The following BNC2 variants were observed in gnomAD, a reference collection of about 807,000 sequenced individuals.
BNC2 encodes the protein basonuclin zinc finger protein 2.
A neutral mutation model predicts 76.3 loss-of-function variants in BNC2; 20 were observed. The ratio of observed to expected loss-of-function variants is 0.26; its 90% CI spans 0.18 to 0.38. BNC2 has a LOEUF of 0.38. Ranked by LOEUF, BNC2 falls within the 10% of genes least tolerant of loss-of-function variation. BNC2 has a pLI of 1.00. For missense variants in BNC2, 1,382 were observed against 1,399.8 expected (o/e 0.99, Z 0.20); for synonymous variants, 582 against 514.8 (o/e 1.13, Z -1.77).
chr9:16,831,227 G>A (rs1045250863), intron 1 of BNC2, among the ~76,000 whole-genome samples: 1 of 152,160 alleles, frequency 6.6e-6, no homozygotes, highest in Non-Finnish European at 1.5e-5. Flanking sequence ...AGACTTCAAA[G>A]GGGCTAACAG....
chr9:16,596,452 C>T (rs1820081276), intron 3 of BNC2, among the ~76,000 whole-genome samples: 1 of 152,014 alleles, frequency 6.6e-6, no homozygotes, highest in Non-Finnish European at 1.5e-5. Context: ...ATTGCAAAAC[C>T]CGATTTCTAA....
intron 1 of BNC2, among the ~76,000 whole-genome samples, chr9:16,744,515 A>G (rs372301074): frequency 8.5e-5 from 13 of 152,188 alleles, no homozygotes; most frequent in African/African-American, 3.1e-4. Flanking sequence ...ACAAACTATA[A>G]AAGACGCAGT....
At chr9:16,750,619 T>C (rs1427100429) in intron 1 of BNC2, among the ~76,000 whole-genome samples, 2 of 152,222 alleles carry the variant, frequency 1.3e-5, no homozygotes, top group Admixed American at 6.5e-5. Flanking sequence ...GCCAGATTTC[T>C]ACAACAGAAT....
intron 1 of BNC2, among the ~76,000 whole-genome samples, chr9:16,746,645 G>A (rs62541546): frequency 0.86 from 129,330 of 150,426 alleles, 55,990 homozygotes; most frequent in Non-Finnish European, 0.91. Flanking sequence ...GATTGCAGGC[G>A]TGAACAACCG....
intron 3 of BNC2, among the ~76,000 whole-genome samples, chr9:16,707,853 G>C (rs947673005): frequency 6.6e-6 from 1 of 152,080 alleles, no homozygotes; most frequent in Non-Finnish European, 1.5e-5. Flanking sequence ...TGTTGGCCAG[G>C]CTAGTCTGGA....
chr9:16,823,574 G>C (rs1193804083), intron 1 of BNC2, among the ~76,000 whole-genome samples: 2 of 151,410 alleles, frequency 1.3e-5, no homozygotes, highest in Admixed American at 6.6e-5. Context: ...CTGCACTCTA[G>C]CCTGGGCAAC....
At chr9:16,814,456 G>T (rs548054047) in intron 1 of BNC2, among the ~76,000 whole-genome samples, 1 of 152,250 alleles carries the variant, frequency 6.6e-6, no homozygotes, top group Admixed American at 6.5e-5. Flanking sequence ...CTATTTAAAA[G>T]AAATTTTACT....
In BNC2 at chr9:16,752,401, AAAC is replaced by A. The variant is rs377513961; in HGVS notation, c.4-13919_4-13917del. Among the ~76,000 whole-genome samples the A allele has an allele frequency of 3.5e-3, 478 of 136,890 alleles. 3 individuals carry two copies. The highest frequency in any genetic ancestry group is 0.012 in the African/African-American group (463 of 37,592). 89.8% of individuals were successfully genotyped at this position (136,890 alleles called of 152,430 possible). A position where few individuals can be genotyped will look rare whatever the true frequency, so the allele number is the denominator to read the frequency against. ...TTCAGACTGTATCTTCACAATATTA[AAAC>A]AACTGATCAATGAAGTCAATGTGTT... is the stretch of plus-strand genomic sequence containing the variant. On this transcript the variant is annotated intron_variant, in intron 1 of 6. Coordinates refer to ENST00000380672, the MANE Select transcript of BNC2 (RefSeq NM_017637.6).
chr9:16,732,157 C>CAAAAAAAAAAAAAAAAAAAAAAAAAAA (rs143619331), intron 2 of BNC2, among the ~76,000 whole-genome samples: 2 of 43,912 alleles, frequency 4.6e-5, no homozygotes, highest in Non-Finnish European at 8.7e-5. Context: ...CCATTTCCTG[C>CAAAAAAAAAAAAAAAAAAAAAAAAAAA]AAAAAAAAAA....
intron 4 of BNC2, among the ~76,000 whole-genome samples, chr9:16,578,228 T>C (rs1438434933): frequency 6.6e-6 from 1 of 152,220 alleles, no homozygotes; most frequent in Non-Finnish European, 1.5e-5. Flanking sequence ...TGTACTGGAT[T>C]ATCATTAAAT....
rs1418290353 is a variant in BNC2 at position 16,418,870 on chromosome 9, AAT to A, written c.*117_*118del. 8 of 601,798 alleles carry A rather than the reference AAT, an allele frequency of 1.3e-5. No individual in the cohort carries two copies. The African/African-American group carries it at 1.8e-4, about 13-fold the overall frequency. 37.3% of individuals were successfully genotyped at this position (601,798 alleles called of 1,614,324 possible). ...TATATGTAGCCACAGAGCATACATA[AAT>A]GCACACACACACACACACACACACA... On this transcript the variant is annotated 3_prime_UTR_variant, in exon 7 of 7. Coordinates refer to ENST00000380672, the MANE Select transcript of BNC2 (RefSeq NM_017637.6).
At chr9:16,789,563 T>G (rs1817443064) in intron 1 of BNC2, among the ~76,000 whole-genome samples, 1 of 152,148 alleles carries the variant, frequency 6.6e-6, no homozygotes, top group African/African-American at 2.4e-5. Context: ...TTTTCCAGAT[T>G]AATTCCTAAG....
intron 1 of BNC2, among the ~76,000 whole-genome samples, chr9:16,759,748 G>C (rs10810615): frequency 0.077 from 11,195 of 144,762 alleles, 659 homozygotes; most frequent in Admixed American, 0.19. Context: ...TTTTGACACA[G>C]AGTCTCGCTC....
intron 3 of BNC2, among the ~76,000 whole-genome samples, chr9:16,650,151 C>A (rs753086332): frequency 6.6e-6 from 1 of 152,152 alleles, no homozygotes; most frequent in Non-Finnish European, 1.5e-5. Flanking sequence ...ATATTAAAGG[C>A]ATAATGTCAT....
chr9:16,842,701 T>C lies in BNC2; in HGVS notation c.3+27945A>G, dbSNP rs141503054. Among the ~76,000 whole-genome samples the C allele has an allele frequency of 3.9e-5, 6 of 152,110 alleles. No individual in the cohort carries two copies. In the East Asian group the frequency reaches 1.2e-3, roughly 30 times the overall value. ...AATCTGGTTAAAGGATATATAGGAA[T>C]TCATTGTATTTTTTTTTTCTGACTC... On this transcript the variant is annotated intron_variant, in intron 1 of 6. Coordinates refer to ENST00000380672, the MANE Select transcript of BNC2 (RefSeq NM_017637.6).
intron 3 of BNC2, among the ~76,000 whole-genome samples, chr9:16,713,209 T>C (rs1823899935): frequency 6.6e-6 from 1 of 152,122 alleles, no homozygotes; most frequent in Non-Finnish European, 1.5e-5. Flanking sequence ...ATGGGTAAAA[T>C]GGGATCAATG....
chr9:16,778,195 T>C (rs1168370419), intron 1 of BNC2, among the ~76,000 whole-genome samples: 1 of 152,182 alleles, frequency 6.6e-6, no homozygotes, highest in African/African-American at 2.4e-5. Flanking sequence ...TACACACAAA[T>C]ACTACAATTA....
chr9:16,497,660 G>C (rs1199213599), intron 5 of BNC2, among the ~76,000 whole-genome samples: 1 of 152,044 alleles, frequency 6.6e-6, no homozygotes, highest in Admixed American at 6.6e-5. Context: ...AAAATACGTA[G>C]TGGCTAAGAA....
intron 3 of BNC2, among the ~76,000 whole-genome samples, chr9:16,655,092 T>TC (rs1415439988): frequency 1.3e-5 from 2 of 151,666 alleles, no homozygotes; most frequent in Non-Finnish European, 2.9e-5. Context: ...CACATACACC[T>TC]CTGCAGACAG....
Sources: gnomAD v4.1 joint callset for allele counts (sites outside exome capture counted in the v4.1 genomes callset) on GRCh38, gnomAD v4.1.1 for gene constraint, MANE v1.5 for transcripts, NCBI Gene and HGNC (gene_info 2026-07-23, HGNC 2026-07-21) for gene names.